The following MAP3K13 variants were observed in gnomAD, a reference collection of about 807,000 sequenced individuals.
MAP3K13 encodes mitogen-activated protein kinase kinase kinase 13, also known as leucine zipper-bearing kinase.
Under a neutral mutation model 104.0 loss-of-function variants are expected in MAP3K13, and 52 were observed. The observed-to-expected ratio is 0.50, with a 90% confidence interval of 0.40 to 0.63. The LOEUF (loss-of-function observed/expected upper bound fraction) is 0.63. Among genes scored for constraint, MAP3K13 ranks in the 20% least tolerant of loss-of-function variants. MAP3K13 has a pLI of 0.00. For missense variants in MAP3K13, 914 were observed against 1,218.5 expected, an observed-to-expected ratio of 0.75 and a Z score of 3.72; for synonymous variants, 394 against 442.2, an observed-to-expected ratio of 0.89 and a Z score of 1.37.
intron 1 of MAP3K13, among the ~76,000 whole-genome samples, chr3:185,395,234 C>G (rs1712310560): frequency 6.6e-6 from 1 of 151,852 alleles, no homozygotes. Context: ...TTCCACTATA[C>G]CAAACTACCA....
chr3:185,356,993 T>C (rs1723383646), intron 2 of MAP3K13, among the ~76,000 whole-genome samples: 1 of 152,182 alleles, frequency 6.6e-6, no homozygotes, highest in Admixed American at 6.5e-5. Context: ...TCTTTAATTA[T>C]ATTGCATGCA....
chr3:185,440,224 G>A (rs1477500210), intron 3 of MAP3K13, among the ~76,000 whole-genome samples: 1 of 152,168 alleles, frequency 6.6e-6, no homozygotes, highest in East Asian at 1.9e-4. Context: ...AATTAGAAGT[G>A]ATTATAGAGC....
Position 185,482,479 on chromosome 3 carries a change from A to G in MAP3K13, c.*23A>G. ...TAATGAAGGAATACACATCCTGAAG[A>G]TCTCGTGACTATACTGGCATTTCAG... On this transcript the variant is annotated 3_prime_UTR_variant, in exon 14 of 14. Transcript: ENST00000265026. The surrounding 1 kb of genome is among the most constrained non-coding windows in gnomAD (Gnocchi z 4.5). 1 of 1,543,038 alleles carries G rather than the reference A, an allele frequency of 6.5e-7. No individual in the cohort carries two copies. The highest frequency in any genetic ancestry group is 9.0e-7 in the Non-Finnish European group (1 of 1,115,958).
chr3:185,432,170 A>C (rs1245362062), intron 2 of MAP3K13, among the ~76,000 whole-genome samples: 1 of 150,802 alleles, frequency 6.6e-6, no homozygotes, highest in Non-Finnish European at 1.5e-5. Flanking sequence ...ATCCAGAGAT[A>C]ACCATTTCTA....
At chr3:185,396,798 C>T (rs114341001) in intron 1 of MAP3K13, among the ~76,000 whole-genome samples, 315 of 152,122 alleles carry the variant, frequency 2.1e-3, no homozygotes, top group African/African-American at 7.4e-3. Flanking sequence ...TCAGAAGGGT[C>T]GGTGTGGTGA....
Position 185,488,918 on chromosome 3 carries a change from G to A in MAP3K13, c.*6462G>A, listed in dbSNP as rs1363794200. On this transcript the variant is annotated 3_prime_UTR_variant, in exon 14 of 14. Transcript: ENST00000265026. ...GGAGCGAATGAATTTCTCTTTTGTGGTTAGGTCTCCAAATGAACCTCCTTA... is the reference window on the plus strand; with the variant it reads ...GGAGCGAATGAATTTCTCTTTTGTGATTAGGTCTCCAAATGAACCTCCTTA... 1 of 152,166 alleles carries A rather than the reference G, an allele frequency of 6.6e-6. No individual in the cohort carries two copies. Among genetic ancestry groups the A allele is most frequent in the Admixed American group, 6.5e-5 (1 of 15,268 alleles). The allele number at this position is 152,166 out of a possible 1,614,324, so 9.4% of individuals were successfully genotyped here. A position where few individuals can be genotyped will look rare whatever the true frequency, so the allele number is the denominator to read the frequency against.
At chr3:185,379,226 A>G (rs1724587503) in intron 1 of MAP3K13, among the ~76,000 whole-genome samples, 1 of 152,214 alleles carries the variant, frequency 6.6e-6, no homozygotes, top group Non-Finnish European at 1.5e-5. Flanking sequence ...ATAATCAGAG[A>G]GGCATCCCCG....
chr3:185,461,321 G>T (rs1717085097), intron 7 of MAP3K13, among the ~76,000 whole-genome samples: 1 of 152,242 alleles, frequency 6.6e-6, no homozygotes, highest in Non-Finnish European at 1.5e-5. Flanking sequence ...CCAACCAACA[G>T]AAACTTCTCT....
intron 1 of MAP3K13, among the ~76,000 whole-genome samples, chr3:185,417,178 TA>T (rs1291527539): frequency 2.0e-5 from 3 of 152,174 alleles, no homozygotes; most frequent in Admixed American, 1.3e-4. Context: ...TAGTTCCACA[TA>T]TTCTGTAATC....
chr3:185,283,807 C>G (rs1054577803), intron 1 of MAP3K13, among the ~76,000 whole-genome samples: 3 of 151,936 alleles, frequency 2.0e-5, no homozygotes, highest in African/African-American at 7.3e-5. Context: ...GGAGTTGGAC[C>G]GTTGTAAATA....
At chr3:185,420,856 CTT>C (rs1021253274) in intron 1 of MAP3K13, among the ~76,000 whole-genome samples, 2 of 152,220 alleles carry the variant, frequency 1.3e-5, no homozygotes, top group African/African-American at 4.8e-5. Flanking sequence ...CTCCATTCCT[CTT>C]TCTCTCTACA....
At chr3:185,479,900 A>G (rs530788413) in intron 12 of MAP3K13, among the ~76,000 whole-genome samples, 1 of 152,262 alleles carries the variant, frequency 6.6e-6, no homozygotes, top group Non-Finnish European at 1.5e-5. Context: ...AGGAATGGAG[A>G]GAATCTCTTC....
At chr3:185,466,072 C>T (rs1717401361) in intron 9 of MAP3K13, among the ~76,000 whole-genome samples, 1 of 152,238 alleles carries the variant, frequency 6.6e-6, no homozygotes, top group African/African-American at 2.4e-5. Context: ...TATAGGAGAA[C>T]ATGCACTTGG....
intron 2 of MAP3K13, among the ~76,000 whole-genome samples, chr3:185,294,004 C>T (rs1720834411): frequency 6.6e-6 from 1 of 152,030 alleles, no homozygotes. Flanking sequence ...AAATATTTTG[C>T]TTTTTAATTT....
At chr3:185,339,666 C>G (rs1379632467) in intron 2 of MAP3K13, among the ~76,000 whole-genome samples, 1 of 152,208 alleles carries the variant, frequency 6.6e-6, no homozygotes, top group African/African-American at 2.4e-5. Flanking sequence ...CTAATTCTGC[C>G]ATTGTAGCAC....
intron 2 of MAP3K13, among the ~76,000 whole-genome samples, chr3:185,351,030 TA>T (rs897718572): frequency 6.6e-6 from 1 of 152,086 alleles, no homozygotes; most frequent in African/African-American, 2.4e-5. Context: ...TACACAGCCA[TA>T]AAAAAGCATG....
At chr3:185,304,847 T>C (rs6444044) in intron 2 of MAP3K13, among the ~76,000 whole-genome samples, 118,153 of 152,028 alleles carry the variant, frequency 0.78, 46,462 homozygotes, top group Non-Finnish European at 0.84. Context: ...TTGGCCAAGA[T>C]GGTCTCAATC....
intron 2 of MAP3K13, among the ~76,000 whole-genome samples, chr3:185,432,584 G>A (rs142231158): frequency 6.6e-6 from 1 of 151,904 alleles, no homozygotes; most frequent in Admixed American, 6.6e-5. Flanking sequence ...GGTTTTTAGG[G>A]TCTCTGCTTG....
chr3:185,463,528 A>G lies in MAP3K13; in HGVS notation c.1279-22A>G, dbSNP rs1245858080. On this transcript the variant is annotated intron_variant, in intron 7 of 13. Coordinates refer to ENST00000265026, the MANE Select transcript of MAP3K13 (RefSeq NM_004721.5). ...GATTGAAACTCCTGGAATTTATCAA[A>G]ATCTAATTTGTCCTTACCCAGGCTG... The G allele has an allele frequency of 2.1e-6, 3 of 1,408,426 alleles. No homozygotes were observed. In the South Asian group the frequency reaches 3.5e-5, roughly 17 times the overall value. 87.2% of individuals were successfully genotyped at this position (1,408,426 alleles called of 1,614,324 possible).
Sources: gnomAD v4.1 joint callset for allele counts (sites outside exome capture counted in the v4.1 genomes callset) on GRCh38, gnomAD v4.1.1 for gene constraint, Gnocchi (gnomAD v3.1) non-coding constraint, MANE v1.5 for transcripts, NCBI Gene and HGNC (gene_info 2026-07-23, HGNC 2026-07-21) for gene names.